LAMB4: variants seen among roughly 807,000 people sequenced by gnomAD.
The protein encoded by LAMB4 is laminin subunit beta-4.
Under a neutral mutation model 199.2 loss-of-function variants are expected in LAMB4, and 196 were observed. The ratio of observed to expected loss-of-function variants is 0.98; its 90% CI spans 0.88 to 1.11. LAMB4 has a LOEUF of 1.11. Ranked by LOEUF, LAMB4 falls within the 50% of genes least tolerant of loss-of-function variation. The pLI is 0.00. For synonymous variants in LAMB4, 744 were observed against 770.6 expected (o/e 0.97, Z 0.57); for missense variants, 2,080 against 2,171.2 (o/e 0.96, Z 0.83).
chr7:108,118,600 T>C (rs1031184914), intron 2 of LAMB4, among the ~76,000 whole-genome samples: 4 of 152,026 alleles, frequency 2.6e-5, no homozygotes, highest in African/African-American at 9.7e-5. Context: ...AAAAATGAAC[T>C]GCAAGCAAAA....
At chr7:108,060,698 T>C (rs2036130308) in intron 23 of LAMB4, among the ~76,000 whole-genome samples, 2 of 152,148 alleles carry the variant, frequency 1.3e-5, no homozygotes, top group Admixed American at 6.5e-5. Flanking sequence ...AACCACAAAA[T>C]AAAGTAGTGT....
chr7:108,095,447 C>G (rs902232219), intron 11 of LAMB4, 110 bp from the exon 12 acceptor site: 1 of 755,526 alleles, frequency 1.3e-6, no homozygotes, highest in Non-Finnish European at 2.2e-6. Context: ...CACAGAGAAG[C>G]CTGCCCTGCC....
chr7:108,118,049 C>T (rs1417908573), intron 2 of LAMB4, among the ~76,000 whole-genome samples: 1 of 152,142 alleles, frequency 6.6e-6, no homozygotes, highest in African/African-American at 2.4e-5. Context: ...TAGGTTTCAG[C>T]CTCATTTTAC....
intron 15 of LAMB4, 48 bp downstream of exon 15, chr7:108,079,553 G>T: frequency 7.0e-7 from 1 of 1,431,126 alleles, no homozygotes; most frequent in Non-Finnish European, 9.6e-7. Flanking sequence ...GTTCAAGAAT[G>T]TATTTCTGTC....
intron 3 of LAMB4, among the ~76,000 whole-genome samples, chr7:108,113,677 T>C (rs2038309646): frequency 6.6e-6 from 1 of 152,154 alleles, no homozygotes; most frequent in African/African-American, 2.4e-5. Flanking sequence ...TGTGGACCAT[T>C]TTTTGGTTAA....
intron 26 of LAMB4, among the ~76,000 whole-genome samples, chr7:108,051,417 A>G (rs1000227607): frequency 6.6e-6 from 1 of 152,108 alleles, no homozygotes; most frequent in Non-Finnish European, 1.5e-5. Context: ...CTGTCTCTCA[A>G]TTGGATGGCT....
Position 108,062,885 on chromosome 7 carries a change from T to A in LAMB4, c.3171A>T (p.Thr1057=), listed in dbSNP as rs756360033. Residue 1057 remains threonine (T), a synonymous_variant, in exon 23 of 34, where the codon ACA becomes ACT. Coordinates refer to ENST00000388781, the MANE Select transcript of LAMB4 (RefSeq NM_007356.3). ...TGACPCLPNV[T]GLACDRCADG... The stretch of plus-strand genomic sequence containing the variant: ...CAGCACAACGGTCACAGGCCAGGCC[T>A]GTGACATTCGGCAGACAAGGACATG... 1.4e-5 allele frequency: 23 copies of A among 1,608,416 alleles called. No homozygotes were observed. The South Asian group carries it at 2.4e-4, about 17-fold the overall frequency.
intron 33 of LAMB4, among the ~76,000 whole-genome samples, chr7:108,028,532 A>G (rs1005827014): frequency 2.4e-4 from 33 of 138,672 alleles, no homozygotes; most frequent in Non-Finnish European, 4.2e-4. Context: ...GCTGGAGTGC[A>G]GTGGCATGAT....
chr7:108,077,171 C>T, intron 16 of LAMB4, 107 bp from the exon 17 acceptor site: 1 of 1,165,512 alleles, frequency 8.6e-7, no homozygotes, highest in South Asian at 1.4e-5. Flanking sequence ...GCAGTGACCT[C>T]CACTGTGGGG....
intron 31 of LAMB4, 133 bp downstream of exon 31, chr7:108,034,075 C>T (rs369238019): frequency 6.7e-6 from 6 of 894,762 alleles, no homozygotes; most frequent in East Asian, 4.9e-5. Flanking sequence ...CATAATACTA[C>T]CCAAATCTTA....
intron 18 of LAMB4, among the ~76,000 whole-genome samples, chr7:108,069,075 G>C (rs2036442885): frequency 6.6e-6 from 1 of 152,140 alleles, no homozygotes; most frequent in African/African-American, 2.4e-5. Flanking sequence ...AATGGAAAAA[G>C]CATTTGCCTA....
intron 21 of LAMB4, among the ~76,000 whole-genome samples, chr7:108,064,628 C>G (rs921740282): frequency 6.6e-6 from 1 of 152,174 alleles, no homozygotes; most frequent in Non-Finnish European, 1.5e-5. Flanking sequence ...GAAATGTTCA[C>G]TTAGCCCAAA....
At chr7:108,072,243 C>T (rs1184634174) in intron 17 of LAMB4, among the ~76,000 whole-genome samples, 1 of 152,108 alleles carries the variant, frequency 6.6e-6, no homozygotes, top group Non-Finnish European at 1.5e-5. Context: ...TTACAACACA[C>T]CTGCTTTCAT....
intron 14 of LAMB4, among the ~76,000 whole-genome samples, chr7:108,081,946 C>G (rs1422600555): frequency 6.6e-6 from 1 of 152,150 alleles, no homozygotes; most frequent in Non-Finnish European, 1.5e-5. Flanking sequence ...ATCAGAGGGC[C>G]TCCTTGGGGG....
intron 31 of LAMB4, among the ~76,000 whole-genome samples, chr7:108,032,041 CTCTG>C (rs2035056629): frequency 6.6e-6 from 1 of 151,960 alleles, no homozygotes; most frequent in South Asian, 2.1e-4. Context: ...TGGTAATATC[CTCTG>C]TCTGTTGTGT....
At chr7:108,090,576 G>A (rs1246349718) in intron 14 of LAMB4, among the ~76,000 whole-genome samples, 1 of 152,002 alleles carries the variant, frequency 6.6e-6, no homozygotes, top group Non-Finnish European at 1.5e-5. Context: ...TGGCATACTT[G>A]ATATTATTCT....
chr7:108,123,043 G>A (rs2038654019), intron 2 of LAMB4, 88 bp downstream of exon 2: 1 of 1,185,320 alleles, frequency 8.4e-7, no homozygotes, highest in Non-Finnish European at 1.2e-6. Context: ...CACTATAGAA[G>A]ACAGAAGTGA....
At chr7:108,078,985 A>G (rs978007230) in intron 15 of LAMB4, among the ~76,000 whole-genome samples, 1 of 151,902 alleles carries the variant, frequency 6.6e-6, no homozygotes, top group East Asian at 1.9e-4. Flanking sequence ...CTAAGACCAC[A>G]CCCCCCTCCA....
chr7:108,056,114 C>T, intron 24 of LAMB4, 107 bp from the exon 25 acceptor site: 3 of 988,408 alleles, frequency 3.0e-6, no homozygotes, highest in Non-Finnish European at 4.5e-6. Context: ...CCAACTCACA[C>T]TTCTAAGATG....
Sources: allele counts gnomAD v4.1 joint callset (sites outside exome capture counted in the v4.1 genomes callset), GRCh38; gene constraint gnomAD v4.1.1; transcripts MANE v1.5; gene names NCBI Gene and HGNC (gene_info 2026-07-23, HGNC 2026-07-21).